GLB1L3: variants seen among roughly 807,000 people sequenced by gnomAD.
GLB1L3 encodes the protein galactosidase beta 1 like 3, also known as beta-galactosidase-1-like protein 3.
Under a neutral mutation model 89.5 loss-of-function variants are expected in GLB1L3, and 89 were observed. That is an observed-to-expected ratio of 0.99 (90% CI 0.84 to 1.19). The LOEUF is 1.19. Ranked by LOEUF, GLB1L3 falls within the 50% of genes most tolerant of loss-of-function variation. The pLI, the probability that GLB1L3 is intolerant of heterozygous loss-of-function variation, is 0.00. For missense variants in GLB1L3, 812 were observed against 813.3 expected, an observed-to-expected ratio of 1.00 and a Z score of 0.02; for synonymous variants, 314 against 312.3, an observed-to-expected ratio of 1.01 and a Z score of -0.06.
chr11:134,307,703 C>T (rs1231062459), intron 10 of GLB1L3, among the ~76,000 whole-genome samples: 1 of 152,114 alleles, frequency 6.6e-6, no homozygotes, highest in African/African-American at 2.4e-5. Flanking sequence ...GATCTTGGAG[C>T]CAAAGAGATC....
Position 134,318,956 on chromosome 11 carries a change from C to CT in GLB1L3, c.*14_*15insT, listed in dbSNP as rs753186600. On this transcript the variant is annotated 3_prime_UTR_variant, in exon 20 of 20. Transcript: ENST00000431683. ...CCCACGCTGTAAAACTGTGTCTGAACATTTTTTTTTTTTTTTGAGATGGAG... is the reference window on the plus strand; with the variant it reads ...CCCACGCTGTAAAACTGTGTCTGAACTATTTTTTTTTTTTTTTGAGATGGAG... 80 of 1,321,238 alleles carry CT rather than the reference C, an allele frequency of 6.1e-5. No individual in the cohort carries two copies. In the African/African-American group the frequency reaches 1.6e-3, roughly 26 times the overall value. The allele number at this position is 1,321,238 out of a possible 1,614,324, so 81.8% of individuals were successfully genotyped here.
chr11:134,282,412 C>A (rs890419282), intron 5 of GLB1L3, among the ~76,000 whole-genome samples: 1 of 152,076 alleles, frequency 6.6e-6, no homozygotes, highest in Non-Finnish European at 1.5e-5. Flanking sequence ...GAGGTGGCCA[C>A]AAGAGGCTCC....
At chr11:134,277,076 C>A in intron 1 of GLB1L3, 1 of 591,552 alleles carries the variant, frequency 1.7e-6, no homozygotes, top group Non-Finnish European at 3.0e-6. Flanking sequence ...CAGGCACCCA[C>A]CGGCACTGCC....
intron 3 of GLB1L3, among the ~76,000 whole-genome samples, chr11:134,279,319 C>T (rs1940552528): frequency 6.6e-6 from 1 of 151,446 alleles, no homozygotes; most frequent in African/African-American, 2.4e-5. Context: ...ATCCTGCTCT[C>T]CCCCTTTTTT....
intron 14 of GLB1L3, 25 bp from the exon 15 acceptor site, chr11:134,312,791 T>A: frequency 6.3e-7 from 1 of 1,593,424 alleles, no homozygotes; most frequent in Non-Finnish European, 8.6e-7. Flanking sequence ...GGCCTAGCAG[T>A]CTGACGCCGG....
Position 134,277,912 on chromosome 11 carries a change from C to A in GLB1L3, c.362C>A (p.Thr121Asn), listed in dbSNP as rs762718414. ...GCCTGTGGCTTCAATACTGTCACCA[C>A]GTGAGTGCCGGCCCCTCACCTCCAG... ...LKACGFNTVT[T>N]YVPWNLHEPE... The change falls in exon 3 of 20, where the codon ACC becomes AAC. Residue 121 changes from threonine (T) to asparagine (N), a missense_variant and splice_region_variant. By Grantham distance (65) the Thr-to-Asn change is moderately conservative. Coordinates refer to ENST00000431683, the MANE Select transcript of GLB1L3 (RefSeq NM_001080407.3). 2 of 1,613,594 alleles carry A rather than the reference C, an allele frequency of 1.2e-6. No homozygotes were observed. The highest frequency in any genetic ancestry group is 1.7e-6 in the Non-Finnish European group (2 of 1,179,870).
chr11:134,310,524 C>T (rs756871226), intron 11 of GLB1L3, 47 bp from the exon 12 acceptor site: 1 of 1,474,072 alleles, frequency 6.8e-7, no homozygotes. Context: ...GAAACAGGGC[C>T]TCCTGCAGAG....
chr11:134,323,412 C>CGT (rs1943189951), downstream of GLB1L3, among the ~76,000 whole-genome samples: 1 of 151,716 alleles, frequency 6.6e-6, no homozygotes, highest in African/African-American at 2.4e-5. Context: ...CACACACACA[C>CGT]ACACACACAC....
chr11:134,311,446 G>T, intron 13 of GLB1L3: 1 of 302,212 alleles, frequency 3.3e-6, no homozygotes, highest in Admixed American at 4.8e-5. Context: ...TGGACTGTGT[G>T]GTCCTTACGG....
Position 134,311,114 on chromosome 11 carries a change from C to A in GLB1L3, c.1231C>A (p.Pro411Thr). 1 of 1,613,912 alleles carries A rather than the reference C, an allele frequency of 6.2e-7. No individual in the cohort carries two copies. Among genetic ancestry groups the A allele is most frequent in the Non-Finnish European group, 8.5e-7 (1 of 1,179,864 alleles). Residue 411 changes from proline (P) to threonine (T), a missense_variant, in exon 13 of 20, where the codon CCC becomes ACC. Pro to Thr is a conservative substitution (Grantham distance 38, BLOSUM62 -1). Transcript: ENST00000431683. ...PKLPPKAVYP[P>T]VRPSLYLPLW... ...ACTTCCTCCCAAGGCTGTGTATCCC[C>A]CCGTGAGACCGTCGCTGTACCTCCC...
the GLB1L3 span, among the ~76,000 whole-genome samples, chr11:134,325,017 C>CA: frequency 6.6e-6 from 1 of 152,020 alleles, no homozygotes; most frequent in Non-Finnish European, 1.5e-5. Flanking sequence ...ATATTCTTCC[C>CA]AAAGTTATAA....
chr11:134,318,477 G>A (rs530188159), intron 18 of GLB1L3, among the ~76,000 whole-genome samples, 154 bp from the exon 19 acceptor site: 1 of 152,258 alleles, frequency 6.6e-6, no homozygotes, highest in Non-Finnish European at 1.5e-5. Flanking sequence ...TTCCTAGACA[G>A]CAAGGTAGAA....
intron 3 of GLB1L3, among the ~76,000 whole-genome samples, chr11:134,278,828 G>T (rs1940526718): frequency 6.6e-6 from 1 of 152,174 alleles, no homozygotes; most frequent in Non-Finnish European, 1.5e-5. Flanking sequence ...GAGTTTTATT[G>T]AGAGCTGCTA....
chr11:134,300,670 T>C (rs1941902140), intron 9 of GLB1L3, among the ~76,000 whole-genome samples: 1 of 152,056 alleles, frequency 6.6e-6, no homozygotes, highest in Admixed American at 6.5e-5. Flanking sequence ...GCCTACAGGC[T>C]GTTCTCCTCT....
intron 9 of GLB1L3, among the ~76,000 whole-genome samples, chr11:134,305,820 A>G (rs890718493): frequency 6.6e-6 from 1 of 152,200 alleles, no homozygotes; most frequent in Non-Finnish European, 1.5e-5. Context: ...TCAGGGAACC[A>G]AAAACAACTC....
At chr11:134,305,655 ATAAT>A (rs934949262) in intron 9 of GLB1L3, among the ~76,000 whole-genome samples, 8 of 152,318 alleles carry the variant, frequency 5.3e-5, no homozygotes, top group African/African-American at 7.2e-5. Flanking sequence ...CAAAGAGAAA[ATAAT>A]TAAATTACAA....
At chr11:134,302,814 A>G (rs1349392445) in intron 9 of GLB1L3, among the ~76,000 whole-genome samples, 3 of 152,294 alleles carry the variant, frequency 2.0e-5, no homozygotes, top group African/African-American at 7.2e-5. Flanking sequence ...TACTGGGTGC[A>G]GTATTCTGTT....
intron 9 of GLB1L3, 98 bp from the exon 10 acceptor site, chr11:134,307,026 C>A (rs573901743): frequency 1.3e-6 from 1 of 765,446 alleles, no homozygotes. Context: ...AAAGGAGAAA[C>A]GCATGAGTTC....
chr11:134,299,455 A>G (rs1202052943), intron 9 of GLB1L3, among the ~76,000 whole-genome samples: 1 of 151,630 alleles, frequency 6.6e-6, no homozygotes. Flanking sequence ...GCCATGTGGG[A>G]TTTTGTGTTC....
Sources: gnomAD v4.1 joint callset for allele counts (sites outside exome capture counted in the v4.1 genomes callset) on GRCh38, gnomAD v4.1.1 for gene constraint, MANE v1.5 for transcripts, NCBI Gene and HGNC (gene_info 2026-07-23, HGNC 2026-07-21) for gene names.